The following LGR6 variants were observed in gnomAD, a reference collection of about 807,000 sequenced individuals.
LGR6 encodes the protein leucine-rich repeat-containing G protein-coupled receptor 6.
LGR6 carries 45 observed loss-of-function variants against 69.4 expected under a neutral mutation model. That is an observed-to-expected ratio of 0.65 (90% CI 0.51 to 0.83). The LOEUF (loss-of-function observed/expected upper bound fraction) is 0.83. LGR6 is among the 40% of genes least tolerant of loss of function. The pLI is 0.00. For synonymous variants in LGR6, 538 were observed against 555.0 expected, an observed-to-expected ratio of 0.97 and a Z score of 0.43; for missense variants, 1,108 against 1,246.7, an observed-to-expected ratio of 0.89 and a Z score of 1.68.
At chr1:202,305,639 A>T in intron 11 of LGR6, 45 bp from the exon 12 acceptor site, 1 of 1,563,628 alleles carries the variant, frequency 6.4e-7, no homozygotes, top group Non-Finnish European at 8.8e-7. Flanking sequence ...CAGCCCTCAG[A>T]TAGCCACCAT....
intron 2 of LGR6, among the ~76,000 whole-genome samples, chr1:202,225,856 A>G (rs1660508809): frequency 6.6e-6 from 1 of 151,592 alleles, no homozygotes; most frequent in African/African-American, 2.4e-5. Flanking sequence ...TCTCACCTCC[A>G]CCCCGCTTCT....
At chr1:202,275,858 TG>T (rs1329720175) in intron 4 of LGR6, among the ~76,000 whole-genome samples, 1 of 152,162 alleles carries the variant, frequency 6.6e-6, no homozygotes, top group East Asian at 1.9e-4. Context: ...AAGGGTAATA[TG>T]GCATAGATTT....
rs1158805324 is a variant in LGR6, at chr1:202,319,036, G to T, written c.2733G>T (p.Arg911Ser). 6.2e-7 allele frequency: 1 copy of T among 1,614,158 alleles called. No homozygotes were observed. Residue 911 changes from arginine (R) to serine (S), a missense_variant, in exon 18 of 18, where the codon AGG (arginine) becomes AGT (serine). By Grantham distance (110) the Arg-to-Ser change is moderately radical (BLOSUM62 -1). Coordinates refer to ENST00000367278, the MANE Select transcript of LGR6 (RefSeq NM_001017403.2). ...LISCQQPGAP[R>S]LEGSHCVEPE... ...CCTGTCAGCAGCCAGGGGCCCCCAG[G>T]CTGGAGGGCAGCCATTGTGTAGAGC...
chr1:202,214,480 G>T (rs975281413), intron 1 of LGR6, among the ~76,000 whole-genome samples: 2 of 151,864 alleles, frequency 1.3e-5, no homozygotes, highest in African/African-American at 4.8e-5. Context: ...GCAGGGGCGC[G>T]CGCGCGAGGC....
intron 4 of LGR6, among the ~76,000 whole-genome samples, chr1:202,260,544 G>A (rs1345822013): frequency 6.6e-6 from 1 of 152,176 alleles, no homozygotes; most frequent in African/African-American, 2.4e-5. Context: ...ATGTTGGCCA[G>A]GCTGGTCTCG....
chr1:202,215,020 T>TGTGTGCGCGC (rs144255206), intron 1 of LGR6, among the ~76,000 whole-genome samples: 1 of 135,814 alleles, frequency 7.4e-6, no homozygotes, highest in African/African-American at 2.6e-5. Flanking sequence ...TGTGTGTGTG[T>TGTGTGCGCGC]GCGCGCGCGC....
rs757049689 is a variant in LGR6 at position 202,235,928 on chromosome 1, G to A, written c.363G>A (p.Leu121=). The change falls in exon 4 of 18, where the codon CTG becomes CTA. Residue 121 remains leucine, a synonymous_variant. Transcript: ENST00000367278. ...CCTTTCTCTTCTCCCGTAGGATGCT[G>A]CAGAACAATCAGCTGGGAGGAATCC... ...SGLYSLKILM[L]QNNQLGGIPA... 9 of 1,613,976 alleles carry A rather than the reference G, an allele frequency of 5.6e-6. No homozygotes were observed. Among genetic ancestry groups the A allele is most frequent in the Non-Finnish European group, 6.8e-6 (8 of 1,179,972 alleles).
At chr1:202,217,924 T>C (rs1659893283) in intron 1 of LGR6, among the ~76,000 whole-genome samples, 1 of 152,226 alleles carries the variant, frequency 6.6e-6, no homozygotes, top group African/African-American at 2.4e-5. Context: ...ACACACTTTT[T>C]CCTGATGGAA....
intron 4 of LGR6, among the ~76,000 whole-genome samples, chr1:202,270,031 T>C (rs1664962533): frequency 6.6e-6 from 1 of 152,188 alleles, no homozygotes; most frequent in South Asian, 2.1e-4. Flanking sequence ...TAAGATGGAT[T>C]AGAGAAATAA....
At position 202,268,658 on chromosome 1, in the gene LGR6, A is replaced by G. The variant is rs922764735; in HGVS notation, c.429-7648A>G. Among the ~76,000 whole-genome samples the G allele has an allele frequency of 6.6e-6, 1 of 152,152 alleles. No homozygotes were observed. The highest frequency in any genetic ancestry group is 1.5e-5 in the Non-Finnish European group (1 of 68,026). ...CAGCCCTGGGGTCGGCCAGGAGCAA[A>G]CAATCAGTAATCCTGTGTCAAATGA... On this transcript the variant is annotated intron_variant, in intron 4 of 17. Coordinates refer to ENST00000367278, the MANE Select transcript of LGR6 (RefSeq NM_001017403.2). The surrounding 1 kb of genome is among the most constrained non-coding windows in gnomAD (Gnocchi z 4.4).
At chr1:202,252,937 C>T (rs1323276886) in intron 4 of LGR6, among the ~76,000 whole-genome samples, 1 of 152,224 alleles carries the variant, frequency 6.6e-6, no homozygotes, top group South Asian at 2.1e-4. Flanking sequence ...CATGGGCACT[C>T]TCACCACACT....
At position 202,317,974 on chromosome 1, in the gene LGR6, C is replaced by G. The variant is rs1401269127; in HGVS notation, c.1671C>G (p.Tyr557Ter). Residue 557 changes from tyrosine (Y) to a stop codon, truncating the protein, a stop_gained, in exon 18 of 18, where the codon TAC becomes TAG. Transcript: ENST00000367278. LOFTEE classifies it low-confidence loss of function (END_TRUNC). ...PTPGPFKPCEYLFESWGIRLA... is the reference protein window; with the variant it reads ...PTPGPFKPCE Reference sequence around the variant, plus strand: ...CAGGCCCCTTCAAGCCCTGTGAGTACCTCTTTGAAAGCTGGGGCATCCGCC... The same window carrying G: ...CAGGCCCCTTCAAGCCCTGTGAGTAGCTCTTTGAAAGCTGGGGCATCCGCC... 2 of 1,612,478 alleles carry G rather than the reference C, an allele frequency of 1.2e-6. No individual in the cohort carries two copies. Among genetic ancestry groups the G allele is most frequent in the African/African-American group, 2.7e-5 (2 of 74,950 alleles).
Position 202,202,870 on chromosome 1 carries a change from G to A in LGR6, c.212+8669G>A, listed in dbSNP as rs114492163. Among the ~76,000 whole-genome samples the A allele has an allele frequency of 3.1e-3, 468 of 152,326 alleles. 3 individuals are homozygous for A. Among genetic ancestry groups the A allele is most frequent in the African/African-American group, 0.011 (448 of 41,572 alleles). On this transcript the variant is annotated intron_variant, in intron 1 of 17. Transcript: ENST00000367278. Reference sequence around the variant, plus strand: ...CCCCTTTGCCCTTGGAGGTGCTGGAGGAGGTGGGAGTGTCCCCGAGAGTGT... The same window carrying A: ...CCCCTTTGCCCTTGGAGGTGCTGGAAGAGGTGGGAGTGTCCCCGAGAGTGT...
In LGR6 at chr1:202,223,030, G is replaced by A. The variant is rs190458902; in HGVS notation, c.213-2393G>A. Among the ~76,000 whole-genome samples, 170 of 151,242 alleles carry A rather than the reference G, an allele frequency of 1.1e-3. 3 individuals carry two copies. In the East Asian group the frequency reaches 0.022, roughly 20 times the overall value. ...GCAGGAGAATCACTTGAGCCCCGGA[G>A]GCGAAGGTTGCAGTGAGCCGAGATC... On this transcript the variant is annotated intron_variant, in intron 1 of 17. Coordinates refer to ENST00000367278, the MANE Select transcript of LGR6 (RefSeq NM_001017403.2).
At chr1:202,250,571 A>T (rs1415301773) in intron 4 of LGR6, among the ~76,000 whole-genome samples, 1 of 151,400 alleles carries the variant, frequency 6.6e-6, no homozygotes, top group Non-Finnish European at 1.5e-5. Context: ...ACACCCAGCT[A>T]ATTTTTGTAT....
intron 3 of LGR6, among the ~76,000 whole-genome samples, chr1:202,231,165 T>A (rs773623586): frequency 6.6e-6 from 1 of 152,042 alleles, no homozygotes; most frequent in Non-Finnish European, 1.5e-5. Flanking sequence ...CCGGAGGAAA[T>A]CTCCCTGAGC....
At chr1:202,232,677 CT>C (rs1317876201) in intron 3 of LGR6, among the ~76,000 whole-genome samples, 1 of 152,064 alleles carries the variant, frequency 6.6e-6, no homozygotes, top group African/African-American at 2.4e-5. Context: ...ATGTTAAAAC[CT>C]TGTCTGTTGA....
chr1:202,235,847 A>T (rs554872886), intron 3 of LGR6, 75 bp from the exon 4 acceptor site: 1 of 1,312,160 alleles, frequency 7.6e-7, no homozygotes, highest in African/African-American at 1.4e-5. Flanking sequence ...CTGGGGGTTC[A>T]AGGGAGGAGT....
chr1:202,225,092 C>T (rs1196198604), intron 1 of LGR6, among the ~76,000 whole-genome samples: 1 of 152,294 alleles, frequency 6.6e-6, no homozygotes, highest in East Asian at 1.9e-4. Context: ...TACTCTAGTT[C>T]CTCGCTTTAT....
Sources: gnomAD v4.1 joint callset for allele counts (sites outside exome capture counted in the v4.1 genomes callset) on GRCh38, gnomAD v4.1.1 for gene constraint, Gnocchi (gnomAD v3.1) non-coding constraint, MANE v1.5 for transcripts, NCBI Gene and HGNC (gene_info 2026-07-23, HGNC 2026-07-21) for gene names.